GBP7: variants seen among roughly 807,000 people sequenced by gnomAD.
The protein encoded by GBP7 is guanylate-binding protein 7.
Under a neutral mutation model 61.3 loss-of-function variants are expected in GBP7, and 43 were observed. That is an observed-to-expected ratio of 0.70 (90% confidence interval 0.55 to 0.91). The LOEUF (loss-of-function observed/expected upper bound fraction) is 0.91, where lower values mean the gene tolerates loss of function less well. Ranked by LOEUF, GBP7 falls within the 40% of genes least tolerant of loss-of-function variation. The pLI is 0.00. For synonymous variants in GBP7, 267 were observed against 271.0 expected, an observed-to-expected ratio of 0.99 and a Z score of 0.14; for missense variants, 717 against 740.5, an observed-to-expected ratio of 0.97 and a Z score of 0.37.
intron 3 of GBP7, among the ~76,000 whole-genome samples, chr1:89,158,192 G>A (rs1195561059): frequency 1.3e-5 from 2 of 152,202 alleles, no homozygotes; most frequent in East Asian, 3.9e-4. Context: ...AATAAACTAG[G>A]TGTTGATGGG....
intron 8 of GBP7, among the ~76,000 whole-genome samples, chr1:89,144,060 A>G (rs1682013615): frequency 6.6e-6 from 1 of 152,040 alleles, no homozygotes; most frequent in Non-Finnish European, 1.5e-5. Flanking sequence ...CCCAGTGTAT[A>G]TTGTTCCCGT....
intron 2 of GBP7, among the ~76,000 whole-genome samples, chr1:89,168,781 AAACAACAACAACAACAAC>A (rs34186424): frequency 1.3e-5 from 2 of 150,064 alleles, no homozygotes; most frequent in Non-Finnish European, 3.0e-5. Context: ...CTAAAAATAC[AAACAACAACAACAACAAC>A]AACAACAACA....
At chr1:89,157,684 G>C (rs936940566) in intron 3 of GBP7, among the ~76,000 whole-genome samples, 1 of 151,618 alleles carries the variant, frequency 6.6e-6, no homozygotes, top group Non-Finnish European at 1.5e-5. Flanking sequence ...TAGACCAATA[G>C]CAGGCTCTGA....
In GBP7 at chr1:89,141,528, T is replaced by C. The variant is rs1362818741; in HGVS notation, c.1468+18A>G. 3.1e-6 allele frequency: 5 copies of C among 1,609,844 alleles called. No individual in the cohort carries two copies. The highest frequency in any genetic ancestry group is 4.2e-6 in the Non-Finnish European group (5 of 1,176,664). ...AGAACCTACCCATTTGCCTGAGAGC[T>C]GAGCCCTGCCCCTGTACCTGCTATG... On this transcript the variant is annotated intron_variant, in intron 9 of 10. Transcript: ENST00000294671.
At chr1:89,171,693 G>A in intron 2 of GBP7, 53 bp downstream of exon 2, 1 of 1,504,658 alleles carries the variant, frequency 6.6e-7, no homozygotes, top group Non-Finnish European at 9.2e-7. Flanking sequence ...ACTAGATACT[G>A]ACTGTGTAAC....
At chr1:89,164,702 A>C (rs374479627) in intron 3 of GBP7, 29 bp downstream of exon 3, 1 of 1,609,238 alleles carries the variant, frequency 6.2e-7, no homozygotes, top group African/African-American at 1.3e-5. Context: ...ATCAAAGGTA[A>C]AGAAGATTTC....
intron 3 of GBP7, among the ~76,000 whole-genome samples, chr1:89,161,023 A>T (rs1647252591): frequency 6.6e-6 from 1 of 152,160 alleles, no homozygotes; most frequent in African/African-American, 2.4e-5. Context: ...CTTATAAGTG[A>T]GAACATGTGG....
intron 3 of GBP7, among the ~76,000 whole-genome samples, chr1:89,162,177 C>T (rs1321485421): frequency 6.6e-6 from 1 of 151,858 alleles, no homozygotes; most frequent in Non-Finnish European, 1.5e-5. Context: ...TTACTGTAGC[C>T]CTGTAGTATA....
chr1:89,137,785 C>T (rs1681841256), intron 9 of GBP7, among the ~76,000 whole-genome samples: 3 of 151,760 alleles, frequency 2.0e-5, no homozygotes, highest in Admixed American at 2.0e-4. Context: ...CAACATAGTA[C>T]TGGAAGTCCT....
At chr1:89,173,814 CT>C (rs1647667290) in intron 1 of GBP7, among the ~76,000 whole-genome samples, 1 of 152,070 alleles carries the variant, frequency 6.6e-6, no homozygotes, top group Non-Finnish European at 1.5e-5. Context: ...AAATGCAGAG[CT>C]TTTCAAAAAG....
At chr1:89,170,874 T>C (rs575044507) in intron 2 of GBP7, among the ~76,000 whole-genome samples, 1 of 152,288 alleles carries the variant, frequency 6.6e-6, no homozygotes, top group South Asian at 2.1e-4. Flanking sequence ...CTTGCTGCCA[T>C]CAGGGTCCCT....
intron 7 of GBP7, among the ~76,000 whole-genome samples, chr1:89,148,177 GA>G (rs1298844950): frequency 6.6e-6 from 1 of 152,152 alleles, no homozygotes; most frequent in Non-Finnish European, 1.5e-5. Context: ...GAACTCTTTT[GA>G]AATTCTTCCA....
chr1:89,146,392 C>G (rs1032048867), intron 8 of GBP7, among the ~76,000 whole-genome samples: 14 of 151,928 alleles, frequency 9.2e-5, no homozygotes, highest in African/African-American at 3.4e-4. Flanking sequence ...AATTTCACAC[C>G]AAGAGCACAG....
chr1:89,152,719 A>G lies in GBP7; in HGVS notation c.377T>C (p.Phe126Ser). The G allele has an allele frequency of 6.2e-7, 1 of 1,613,560 alleles. No homozygotes were observed. ...GATGGTGCCCATGCTGTTGTAGACA[A>G]AGCTGCTGCTTAGAAGCACAGCCAG... ...FALAVLLSSS[F>S]VYNSMGTINH... is the part of the protein sequence containing the mutation. The change falls in exon 4 of 11, where the codon TTT becomes TCT. Residue 126 changes from phenylalanine (F) to serine (S), a missense_variant. Phe to Ser is a radical substitution (Grantham distance 155). Transcript: ENST00000294671.
chr1:89,172,012 T>C, intron 1 of GBP7, 58 bp from the exon 2 acceptor site: 2 of 1,141,724 alleles, frequency 1.8e-6, no homozygotes, highest in Non-Finnish European at 2.6e-6. Flanking sequence ...AGCTGAAATC[T>C]ATAATAGGGC....
chr1:89,132,525 T>C, intron 10 of GBP7, 122 bp from the exon 11 acceptor site: 3 of 730,744 alleles, frequency 4.1e-6, no homozygotes, highest in Non-Finnish European at 6.6e-6. Flanking sequence ...AAATCTTTGA[T>C]GAGTTGGTCT....
In GBP7 at chr1:89,145,638, T is replaced by C. The variant is rs551587851; in HGVS notation, c.1365+1929A>G. ...TAATAAATTCAGCAAAGTTGGAGGA[T>C]ACAAAATTAGCATACAAATTCAGCT... is the stretch of plus-strand genomic sequence containing the variant. On this transcript the variant is annotated intron_variant, in intron 8 of 10. Coordinates refer to ENST00000294671, the MANE Select transcript of GBP7 (RefSeq NM_207398.3). Among the ~76,000 whole-genome samples, 82 of 152,216 alleles carry C rather than the reference T, an allele frequency of 5.4e-4. 1 individual carries two copies. The highest frequency in any genetic ancestry group is 6.8e-3 in the Middle Eastern group (2 of 294).
intron 3 of GBP7, among the ~76,000 whole-genome samples, chr1:89,159,934 C>A (rs1682398931): frequency 1.3e-5 from 2 of 152,062 alleles, no homozygotes; most frequent in Non-Finnish European, 1.5e-5. Context: ...TGGCACTATT[C>A]ACAACAGCAA....
At chr1:89,169,845 T>C (rs1317862279) in intron 2 of GBP7, among the ~76,000 whole-genome samples, 1 of 152,328 alleles carries the variant, frequency 6.6e-6, no homozygotes, top group Admixed American at 6.5e-5. Flanking sequence ...ACAATACTTA[T>C]AAAAATGAGA....
Sources: allele counts gnomAD v4.1 joint callset (sites outside exome capture counted in the v4.1 genomes callset), GRCh38; gene constraint gnomAD v4.1.1; transcripts MANE v1.5; gene names NCBI Gene and HGNC (gene_info 2026-07-23, HGNC 2026-07-21).